The following MFHAS1 variants were observed in gnomAD, a reference collection of about 807,000 sequenced individuals.
MFHAS1 encodes multifunctional ROCO family signaling regulator 1, also known as malignant fibrous histiocytoma-amplified sequence 1.
Under a neutral mutation model 70.4 loss-of-function variants are expected in MFHAS1, and 50 were observed. That is an observed-to-expected ratio of 0.71 (90% CI 0.57 to 0.90). The LOEUF is 0.90. Ranked by LOEUF, MFHAS1 falls within the 40% of genes least tolerant of loss-of-function variation. MFHAS1 has a pLI of 0.00. For synonymous variants in MFHAS1, 952 were observed against 620.0 expected (o/e 1.54, Z -7.96); for missense variants, 1,795 against 1,347.6 (o/e 1.33, Z -5.20).
rs148814761 is a variant in MFHAS1 at position 8,885,796 on chromosome 8, G to A, written c.2998+4265C>T. On this transcript the variant is annotated intron_variant, in intron 1 of 2. Coordinates refer to ENST00000276282, the MANE Select transcript of MFHAS1 (RefSeq NM_004225.3). Reference sequence around the variant, plus strand: ...ACAATCTCAGCTCACTGCAACCTCCGCCTCCCAAGTTCAAGGGATTCTCGT... The same window carrying A: ...ACAATCTCAGCTCACTGCAACCTCCACCTCCCAAGTTCAAGGGATTCTCGT... Among the ~76,000 whole-genome samples, 1,147 of 152,302 alleles carry A rather than the reference G, an allele frequency of 7.5e-3. 15 individuals are homozygous for A. The highest frequency in any genetic ancestry group is 0.026 in the African/African-American group (1,098 of 41,560).
In MFHAS1 at chr8:8,890,865, G is replaced by A. The variant is rs1182997766; in HGVS notation, c.2194C>T (p.Arg732Cys). ...LKEHVFHNLT[R>C]LIDILNVFFQ... The stretch of plus-strand genomic sequence containing the variant: ...AAGACATTGAGGATGTCGATGAGGC[G>A]GGTGAGGTTGTGGAAGACGTGCTCC... The change falls in exon 1 of 3, where the codon CGC becomes TGC. Residue 732 changes from arginine (R) to cysteine (C), a missense_variant. Physicochemically the swap from Arg to Cys is radical, Grantham distance 180. Coordinates refer to ENST00000276282, the MANE Select transcript of MFHAS1 (RefSeq NM_004225.3). The A allele has an allele frequency of 3.7e-6, 6 of 1,614,166 alleles. No homozygotes were observed. Among genetic ancestry groups the A allele is most frequent in the East Asian group, 4.5e-5 (2 of 44,882 alleles).
chr8:8,834,628 T>C (rs764918971), intron 1 of MFHAS1, among the ~76,000 whole-genome samples: 2 of 152,226 alleles, frequency 1.3e-5, no homozygotes, highest in Non-Finnish European at 2.9e-5. Flanking sequence ...AGGTGCATAA[T>C]AGGTTGTAAC....
At chr8:8,852,358 C>T (rs533223218) in intron 1 of MFHAS1, among the ~76,000 whole-genome samples, 7 of 152,144 alleles carry the variant, frequency 4.6e-5, no homozygotes, top group African/African-American at 1.7e-4. Context: ...CCTGTAATCC[C>T]AGCTACTTGG....
Position 8,890,976 on chromosome 8 carries a change from G to GTC in MFHAS1, c.2082_2083insGA (p.Leu695AspfsTer2). 2 of 1,613,680 alleles carry GTC rather than the reference G, an allele frequency of 1.2e-6. No homozygotes were observed. Among genetic ancestry groups the GTC allele is most frequent in the Non-Finnish European group, 1.7e-6 (2 of 1,179,904 alleles). On this transcript the variant is annotated frameshift_variant, in exon 1 of 3. Transcript: ENST00000276282. LOFTEE classifies it high-confidence loss of function. ...GCACTCTGCAGTCGGTCCTCGGTCAGACCCGCCTGCAGGCCCAAGCGCGCC... is the reference window on the plus strand; with the variant it reads ...GCACTCTGCAGTCGGTCCTCGGTCAGTCACCCGCCTGCAGGCCCAAGCGCGCC...
At chr8:8,821,106 G>A (rs1247784919) in intron 1 of MFHAS1, among the ~76,000 whole-genome samples, 2 of 152,136 alleles carry the variant, frequency 1.3e-5, no homozygotes, top group Admixed American at 6.5e-5. Flanking sequence ...TGTTCCCAGG[G>A]GTCTGCAGGT....
chr8:8,885,195 C>T (rs1809707334), intron 1 of MFHAS1, among the ~76,000 whole-genome samples: 1 of 152,042 alleles, frequency 6.6e-6, no homozygotes, highest in Non-Finnish European at 1.5e-5. Context: ...AGACATTTGG[C>T]ATGAGATACA....
At chr8:8,870,336 G>C (rs1011105596) in intron 1 of MFHAS1, among the ~76,000 whole-genome samples, 1 of 149,870 alleles carries the variant, frequency 6.7e-6, no homozygotes, top group Non-Finnish European at 1.5e-5. Context: ...ATGGTGGCAC[G>C]CACCTACAGT....
At chr8:8,847,756 C>G (rs1050046825) in intron 1 of MFHAS1, among the ~76,000 whole-genome samples, 1 of 152,166 alleles carries the variant, frequency 6.6e-6, no homozygotes, top group Non-Finnish European at 1.5e-5. Flanking sequence ...TTATCATCAA[C>G]AGTGATAGGA....
In MFHAS1 at chr8:8,892,552, C is replaced by A; in HGVS notation, c.507G>T (p.Arg169=). Residue 169 remains arginine (R), a synonymous_variant, in exon 1 of 3, where the codon CGG becomes CGT. Coordinates refer to ENST00000276282, the MANE Select transcript of MFHAS1 (RefSeq NM_004225.3). This position sits in a 1 kb window ranked among gnomAD's most constrained non-coding sequence, Gnocchi z 4.7. ...HLEELDVSFN[R]LAHLPDSLSC... ...AGAGGGAGTCAGGCAGGTGCGCCAG[C>A]CGGTTAAAGCTGACATCCAGCTCCT... 6.2e-7 allele frequency: 1 copy of A among 1,600,500 alleles called. No individual in the cohort carries two copies. Among genetic ancestry groups the A allele is most frequent in the East Asian group, 2.3e-5 (1 of 44,204 alleles).
intron 1 of MFHAS1, among the ~76,000 whole-genome samples, chr8:8,848,907 T>C (rs773497579): frequency 6.6e-6 from 1 of 152,186 alleles, no homozygotes; most frequent in Non-Finnish European, 1.5e-5. Flanking sequence ...TTTTTTCTTC[T>C]GAAGGTAGGA....
intron 1 of MFHAS1, among the ~76,000 whole-genome samples, chr8:8,837,773 A>T (rs564899751): frequency 8.1e-4 from 124 of 152,274 alleles, no homozygotes; most frequent in African/African-American, 2.9e-3. Context: ...ATAAATAAAT[A>T]ACAAGTGTTA....
At chr8:8,887,612 A>G (rs1563221714) in intron 1 of MFHAS1, among the ~76,000 whole-genome samples, 2 of 150,666 alleles carry the variant, frequency 1.3e-5, no homozygotes, top group African/African-American at 2.4e-5. Context: ...TCGTGCTCTA[A>G]AAACAACTGA....
At chr8:8,875,622 G>A (rs903898965) in intron 1 of MFHAS1, among the ~76,000 whole-genome samples, 5 of 151,828 alleles carry the variant, frequency 3.3e-5, no homozygotes, top group East Asian at 1.9e-4. Flanking sequence ...AGTCAGTCTC[G>A]CTCTGTCACC....
At chr8:8,852,310 C>T (rs1015127917) in intron 1 of MFHAS1, among the ~76,000 whole-genome samples, 4 of 152,248 alleles carry the variant, frequency 2.6e-5, no homozygotes, top group Non-Finnish European at 5.9e-5. Flanking sequence ...CTCATCTCTA[C>T]TAAAAATACA....
intron 1 of MFHAS1, among the ~76,000 whole-genome samples, chr8:8,860,750 GC>G (rs1808629670): frequency 6.6e-6 from 1 of 152,208 alleles, no homozygotes; most frequent in Non-Finnish European, 1.5e-5. Context: ...ACTGAGTCAT[GC>G]CAAACTACAA....
intron 1 of MFHAS1, among the ~76,000 whole-genome samples, chr8:8,847,345 C>T (rs951658355): frequency 1.3e-5 from 2 of 152,130 alleles, no homozygotes; most frequent in South Asian, 2.1e-4. Context: ...CCGCACCCAG[C>T]TAATTTTTGT....
At position 8,786,037 on chromosome 8, in the gene MFHAS1, CTTT is replaced by C. The variant is rs778028195; in HGVS notation, c.3141_3143del (p.Lys1048del). On this transcript the variant is annotated inframe_deletion, in exon 3 of 3. Coordinates refer to ENST00000276282, the MANE Select transcript of MFHAS1 (RefSeq NM_004225.3). ...GCCACAAACGTCACTGGTTTCTGTG[CTTT>C]TCACCAACATTCTTCCTGTATGGGT... is the stretch of plus-strand genomic sequence containing the variant. 9.3e-6 allele frequency: 15 copies of C among 1,614,120 alleles called. No individual in the cohort carries two copies. The African/African-American group carries it at 1.9e-4, about 20-fold the overall frequency.
chr8:8,883,232 C>G (rs531406612), intron 1 of MFHAS1, among the ~76,000 whole-genome samples: 1 of 152,292 alleles, frequency 6.6e-6, no homozygotes, highest in African/African-American at 2.4e-5. Flanking sequence ...GTGCTTTCCA[C>G]AAAGACTGGA....
chr8:8,806,336 G>C (rs909974018), intron 1 of MFHAS1, among the ~76,000 whole-genome samples: 10 of 152,156 alleles, frequency 6.6e-5, no homozygotes, highest in African/African-American at 2.2e-4. Context: ...GGCTCTACCA[G>C]ACACAAAATA....
Sources: allele counts gnomAD v4.1 joint callset (sites outside exome capture counted in the v4.1 genomes callset), GRCh38; gene constraint gnomAD v4.1.1; non-coding constraint Gnocchi (gnomAD v3.1); transcripts MANE v1.5; gene names NCBI Gene and HGNC (gene_info 2026-07-23, HGNC 2026-07-21).